The following TRPM4 variants were observed in gnomAD, a reference collection of about 807,000 sequenced individuals.
The protein encoded by TRPM4 is transient receptor potential cation channel subfamily M member 4.
A neutral mutation model predicts 135.6 loss-of-function variants in TRPM4; 124 were observed. That is an observed-to-expected ratio of 0.91 (90% confidence interval 0.79 to 1.06). TRPM4 has a LOEUF of 1.06. TRPM4 is among the 50% of genes least tolerant of loss of function. TRPM4 has a pLI of 0.00. For missense variants in TRPM4, 1,658 were observed against 1,671.4 expected (o/e 0.99, Z 0.14); for synonymous variants, 745 against 705.6 (o/e 1.06, Z -0.88).
chr19:49,207,566 G>T (rs1969194183), intron 20 of TRPM4, among the ~76,000 whole-genome samples: 2 of 148,484 alleles, frequency 1.3e-5, no homozygotes, highest in South Asian at 4.2e-4. Flanking sequence ...GGAGGTCAAG[G>T]CTGTGGCTTC....
Position 49,182,125 on chromosome 19 carries a change from C to CATCT in TRPM4, c.1264-452_1264-449dup, listed in dbSNP as rs1555755480. On this transcript the variant is annotated intron_variant, in intron 10 of 24. Transcript: ENST00000252826. ...CCATCCATCCATCCATCCATCCATC[C>CATCT]ATCTGTCCATTCATCCATCCATCCA... 7.2e-3 allele frequency among the ~76,000 whole-genome samples: 983 copies of CATCT among 135,944 alleles called. 42 individuals are homozygous for CATCT. Among genetic ancestry groups the CATCT allele is most frequent in the African/African-American group, 0.026 (926 of 35,246 alleles). 89.2% of individuals were successfully genotyped at this position (135,944 alleles called of 152,430 possible).
intron 20 of TRPM4, among the ~76,000 whole-genome samples, chr19:49,203,400 C>G (rs182688359): frequency 6.6e-6 from 1 of 152,018 alleles, no homozygotes; most frequent in African/African-American, 2.4e-5. Context: ...AGGATGGTTT[C>G]GATCTCCTGA....
In TRPM4 at chr19:49,210,987, C is replaced by T; in HGVS notation, c.3462-28C>T. On this transcript the variant is annotated intron_variant, in intron 22 of 24. Transcript: ENST00000252826. This position sits in a 1 kb window ranked among gnomAD's most constrained non-coding sequence, Gnocchi z 4.1. ...CCTGGGGGTGGGTGGGCTGCGGGTG[C>T]CCCCGGTAAGAGGCCCTCCCTTCTC... 1 of 1,611,330 alleles carries T rather than the reference C, an allele frequency of 6.2e-7. No individual in the cohort carries two copies. Among genetic ancestry groups the T allele is most frequent in the Non-Finnish European group, 8.5e-7 (1 of 1,178,890 alleles).
chr19:49,166,220 G>A lies in TRPM4; in HGVS notation c.267+5G>A, dbSNP rs760685554. 6.3e-7 allele frequency: 1 copy of A among 1,597,724 alleles called. No homozygotes were observed. The highest frequency in any genetic ancestry group is 8.5e-7 in the Non-Finnish European group (1 of 1,173,502). The stretch of plus-strand genomic sequence containing the variant: ...GCCGGCCGCAAGCACAGCAATGTGA[G>A]GCGGGCCTCTGTGGGCGGGGCCCGG... On this transcript the variant is annotated splice_donor_5th_base_variant and intron_variant, in intron 3 of 24. Transcript: ENST00000252826.
chr19:49,164,235 CTCTT>C lies in TRPM4; in HGVS notation c.93-1794_93-1791del, dbSNP rs942730281. 3.8e-3 allele frequency among the ~76,000 whole-genome samples: 573 copies of C among 150,726 alleles called. 3 individuals are homozygous for C. Among genetic ancestry groups the C allele is most frequent in the East Asian group, 0.023 (116 of 5,128 alleles). On this transcript the variant is annotated intron_variant, in intron 2 of 24. Coordinates refer to ENST00000252826, the MANE Select transcript of TRPM4 (RefSeq NM_017636.4). ...CTTTCTTTTCTTTTCTTTTCTCTCT[CTCTT>C]TCTTTCTTTCTCTCTTTCTCTTTCT...
intron 15 of TRPM4, 107 bp downstream of exon 15, chr19:49,190,427 T>C: frequency 9.5e-7 from 1 of 1,053,976 alleles, no homozygotes; most frequent in Admixed American, 1.8e-5. Context: ...TTGTGTCCCT[T>C]CCCTAGGAAT....
chr19:49,182,455 T>TCCATCCATCCAC (rs1391224866), intron 10 of TRPM4, 123 bp from the exon 11 acceptor site: 47 of 88,624 alleles, frequency 5.3e-4, no homozygotes, highest in Non-Finnish European at 1.1e-3. Context: ...CATCCACCCA[T>TCCATCCATCCAC]CCATCCATCC....
At chr19:49,179,556 C>T (rs1285919820) in intron 9 of TRPM4, among the ~76,000 whole-genome samples, 1 of 150,480 alleles carries the variant, frequency 6.6e-6, no homozygotes, top group Non-Finnish European at 1.5e-5. Context: ...CACCGTGTTA[C>T]CCAGGCTGGT....
chr19:49,163,695 C>T (rs913243008), intron 2 of TRPM4, among the ~76,000 whole-genome samples: 83 of 152,234 alleles, frequency 5.5e-4, no homozygotes, highest in African/African-American at 2.0e-3. Context: ...GGGTCTCGCT[C>T]TATTGCCCAG....
At chr19:49,170,704 G>T (rs1600418056) in intron 6 of TRPM4, among the ~76,000 whole-genome samples, 1 of 152,140 alleles carries the variant, frequency 6.6e-6, no homozygotes, top group South Asian at 2.1e-4. Context: ...GGACTCAGGA[G>T]TCTAGGTCCT....
At position 49,181,395 on chromosome 19, in the gene TRPM4, G is replaced by A; in HGVS notation, c.1197G>A (p.Leu399=). 2 of 1,613,992 alleles carry A rather than the reference G, an allele frequency of 1.2e-6. No homozygotes were observed. Among genetic ancestry groups the A allele is most frequent in the Non-Finnish European group, 1.7e-6 (2 of 1,180,000 alleles). Residue 399 remains leucine (L), a synonymous_variant, in exon 10 of 25, where the codon TTG becomes TTA. Coordinates refer to ENST00000252826, the MANE Select transcript of TRPM4 (RefSeq NM_017636.4). The stretch of plus-strand genomic sequence containing the variant: ...CAGCCTACCTGGATGAGCTGCGTTT[G>A]GCTGTGGCTTGGAACCGCGTGGACA... ...EASAYLDELR[L]AVAWNRVDIA...
Position 49,188,929 on chromosome 19 carries a change from T to G in TRPM4, c.1874-17T>G. The G allele has an allele frequency of 6.2e-7, 1 of 1,614,028 alleles. No individual in the cohort carries two copies. Reference sequence around the variant, plus strand: ...CTCCTTCCCATCCCTGTCACATAACTAACTCCTCTGCCCCAGACCTCTTTG... The same window carrying G: ...CTCCTTCCCATCCCTGTCACATAACGAACTCCTCTGCCCCAGACCTCTTTG... On this transcript the variant is annotated splice_polypyrimidine_tract_variant and intron_variant, in intron 13 of 24. Coordinates refer to ENST00000252826, the MANE Select transcript of TRPM4 (RefSeq NM_017636.4).
chr19:49,207,720 C>A (rs531849501), intron 20 of TRPM4, among the ~76,000 whole-genome samples: 6 of 149,602 alleles, frequency 4.0e-5, no homozygotes, highest in Non-Finnish European at 8.9e-5. Context: ...GTGGGCAGAT[C>A]ATGAGGTCAG....
chr19:49,158,017 T>G (rs527394365), intron 1 of TRPM4, 127 bp downstream of exon 1: 1 of 1,316,748 alleles, frequency 7.6e-7, no homozygotes, highest in Non-Finnish European at 1.1e-6. Context: ...AGGGTCCAGG[T>G]TCCAGGGTCC....
chr19:49,211,571 C>T lies in TRPM4; in HGVS notation c.*73C>T, dbSNP rs948409638. On this transcript the variant is annotated 3_prime_UTR_variant, in exon 25 of 25. Coordinates refer to ENST00000252826, the MANE Select transcript of TRPM4 (RefSeq NM_017636.4). The surrounding 1 kb of genome is among the most constrained non-coding windows in gnomAD (Gnocchi z 4.8). ...CCTAGAGTAAGGCTCATCTGGGCCT[C>T]GGCCCCCGCACCTGGTGGCCTTGTC... 10 of 1,590,502 alleles carry T rather than the reference C, an allele frequency of 6.3e-6. No individual in the cohort carries two copies. The African/African-American group carries it at 8.1e-5, about 13-fold the overall frequency.
At chr19:49,193,333 G>A (rs865794995) in intron 16 of TRPM4, among the ~76,000 whole-genome samples, 5 of 152,088 alleles carry the variant, frequency 3.3e-5, no homozygotes, top group Middle Eastern at 3.4e-3. Flanking sequence ...TGCCCGCCTC[G>A]GCCTCCCAAA....
At chr19:49,175,472 G>A (rs1053085763) in intron 9 of TRPM4, among the ~76,000 whole-genome samples, 9 of 151,840 alleles carry the variant, frequency 5.9e-5, no homozygotes, top group African/African-American at 1.9e-4. Flanking sequence ...GCCTCCCAAC[G>A]TGCTGGGATT....
chr19:49,194,925 A>ATTT, intron 16 of TRPM4, among the ~76,000 whole-genome samples: 1 of 136,020 alleles, frequency 7.4e-6, no homozygotes, highest in Non-Finnish European at 1.6e-5. Flanking sequence ...CACCTGGCTA[A>ATTT]TTTTTTTTTT....
chr19:49,165,839 C>G (rs1213888568), intron 2 of TRPM4, among the ~76,000 whole-genome samples: 3 of 152,204 alleles, frequency 2.0e-5, no homozygotes, highest in East Asian at 3.8e-4. Flanking sequence ...TGGCTTCCTT[C>G]CCGTGGGGAA....
Sources: allele counts gnomAD v4.1 joint callset (sites outside exome capture counted in the v4.1 genomes callset), GRCh38; gene constraint gnomAD v4.1.1; non-coding constraint Gnocchi (gnomAD v3.1); transcripts MANE v1.5; gene names NCBI Gene and HGNC (gene_info 2026-07-23, HGNC 2026-07-21).